Variants in PARD3 observed in about 807,000 individuals in gnomAD.
PARD3 encodes partitioning defective 3 homolog.
Under a neutral mutation model 155.4 loss-of-function variants are expected in PARD3, and 75 were observed. That is an observed-to-expected ratio of 0.48 (90% confidence interval 0.40 to 0.58). The LOEUF (loss-of-function observed/expected upper bound fraction) is 0.58. Ranked by LOEUF, PARD3 falls within the 20% of genes least tolerant of loss-of-function variation. The pLI is 0.00. For synonymous variants in PARD3, 576 were observed against 610.5 expected, an observed-to-expected ratio of 0.94 and a Z score of 0.83; for missense variants, 1,642 against 1,721.7, an observed-to-expected ratio of 0.95 and a Z score of 0.82.
intron 3 of PARD3, among the ~76,000 whole-genome samples, chr10:34,478,560 C>T (rs2078862784): frequency 6.6e-6 from 1 of 152,128 alleles, no homozygotes; most frequent in South Asian, 2.1e-4. Flanking sequence ...AATTTTCTTT[C>T]GAGACGGAGT....
intron 1 of PARD3, among the ~76,000 whole-genome samples, chr10:34,787,759 T>C (rs533575256): frequency 6.7e-6 from 1 of 150,200 alleles, no homozygotes; most frequent in East Asian, 2.0e-4. Flanking sequence ...ACACAGCAAA[T>C]GGGCAACCAA....
chr10:34,594,128 G>C (rs1590151586), intron 2 of PARD3, among the ~76,000 whole-genome samples: 1 of 152,074 alleles, frequency 6.6e-6, no homozygotes, highest in Non-Finnish European at 1.5e-5. Flanking sequence ...AGAAAGCAAG[G>C]GTTTATTACT....
At chr10:34,418,939 T>C (rs895427468) in intron 5 of PARD3, among the ~76,000 whole-genome samples, 2 of 151,754 alleles carry the variant, frequency 1.3e-5, no homozygotes, top group African/African-American at 4.9e-5. Flanking sequence ...ACAGGCTAAT[T>C]TTTGTATTTT....
chr10:34,708,515 T>C (rs1034748838), intron 1 of PARD3, among the ~76,000 whole-genome samples: 10 of 152,194 alleles, frequency 6.6e-5, no homozygotes, highest in Non-Finnish European at 1.0e-4. Flanking sequence ...AGAAGTGTTA[T>C]AATATCTGTA....
intron 1 of PARD3, among the ~76,000 whole-genome samples, chr10:34,784,568 T>C (rs1840701875): frequency 6.6e-6 from 1 of 152,010 alleles, no homozygotes; most frequent in Non-Finnish European, 1.5e-5. Flanking sequence ...GCCTCCCAAG[T>C]TGGGATTACA....
At chr10:34,284,664 C>T (rs1355896329) in intron 20 of PARD3, among the ~76,000 whole-genome samples, 2 of 152,094 alleles carry the variant, frequency 1.3e-5, no homozygotes, top group African/African-American at 4.8e-5. Flanking sequence ...ATAATCTTTC[C>T]ATAAACAACT....
At chr10:34,378,723 C>A (rs910910332) in intron 9 of PARD3, among the ~76,000 whole-genome samples, 1 of 152,168 alleles carries the variant, frequency 6.6e-6, no homozygotes, top group African/African-American at 2.4e-5. Context: ...TTCACCACCC[C>A]CCACTCCCAA....
intron 2 of PARD3, among the ~76,000 whole-genome samples, chr10:34,598,830 C>T (rs948393027): frequency 3.9e-5 from 6 of 152,152 alleles, no homozygotes; most frequent in African/African-American, 1.4e-4. Context: ...CACTCAGATT[C>T]GGCATATCTT....
At chr10:34,454,193 C>A (rs968386530) in intron 4 of PARD3, among the ~76,000 whole-genome samples, 6 of 152,036 alleles carry the variant, frequency 3.9e-5, no homozygotes, top group African/African-American at 1.2e-4. Flanking sequence ...TCCTCCCAGT[C>A]CTGAAGTCTG....
At chr10:34,594,587 G>A (rs2089066769) in intron 2 of PARD3, among the ~76,000 whole-genome samples, 1 of 152,070 alleles carries the variant, frequency 6.6e-6, no homozygotes, top group African/African-American at 2.4e-5. Context: ...AAGTCCTGAA[G>A]GTAGAGGAGG....
intron 2 of PARD3, among the ~76,000 whole-genome samples, chr10:34,597,873 A>G (rs1313460885): frequency 6.6e-6 from 1 of 152,130 alleles, no homozygotes; most frequent in African/African-American, 2.4e-5. Flanking sequence ...TAAGCCTTAA[A>G]TATCTGCTGT....
intron 22 of PARD3, among the ~76,000 whole-genome samples, chr10:34,236,520 C>A (rs1296020479): frequency 3.3e-5 from 5 of 152,128 alleles, no homozygotes; most frequent in Non-Finnish European, 7.4e-5. Flanking sequence ...TAAAAATATT[C>A]TTTTCCTTTT....
At chr10:34,145,219 ATATTTTTTTT>A (rs1421986528) in intron 22 of PARD3, among the ~76,000 whole-genome samples, 2 of 53,536 alleles carry the variant, frequency 3.7e-5, no homozygotes, top group African/African-American at 1.9e-4. Flanking sequence ...ATATATATAT[ATATTTTTTTT>A]TTTTTTTTTT....
chr10:34,430,862 A>G (rs1165844929), intron 5 of PARD3, among the ~76,000 whole-genome samples: 2 of 152,324 alleles, frequency 1.3e-5, no homozygotes, highest in Non-Finnish European at 2.9e-5. Context: ...GATTGTGGGC[A>G]TATTACACCA....
rs535904172 is a variant in PARD3 at position 34,332,627 on chromosome 10, T to G, written c.2606-1283A>C. On this transcript the variant is annotated intron_variant, in intron 18 of 24. Transcript: ENST00000374788. The stretch of plus-strand genomic sequence containing the variant: ...TCACTGATGTTAAATGAAGCTATTT[T>G]GGGTAAGAATAGATATGTTTAAAAT... Among the ~76,000 whole-genome samples, 102 of 152,300 alleles carry G rather than the reference T, an allele frequency of 6.7e-4. 3 individuals carry two copies. The South Asian group carries it at 0.021, about 31-fold the overall frequency.
chr10:34,306,033 C>G (rs1957391580), intron 20 of PARD3, among the ~76,000 whole-genome samples: 1 of 151,844 alleles, frequency 6.6e-6, no homozygotes, highest in Non-Finnish European at 1.5e-5. Context: ...GTAGCTCACG[C>G]CTGTAATCCC....
rs75217940 is a variant in PARD3, at chr10:34,249,096, T to A, written c.3419+20561A>T. Among the ~76,000 whole-genome samples, 578 of 152,292 alleles carry A rather than the reference T, an allele frequency of 3.8e-3. 7 individuals are homozygous for A. The highest frequency in any genetic ancestry group is 0.013 in the African/African-American group (554 of 41,558). On this transcript the variant is annotated intron_variant, in intron 22 of 24. Transcript: ENST00000374788. The stretch of plus-strand genomic sequence containing the variant: ...GACCAGCATTACGTTTCCTGGAAAG[T>A]ATCAATAAGTTAATAAAAGGTCTAG...
At chr10:34,673,227 A>ATTGAAG (rs2093640104) in intron 2 of PARD3, among the ~76,000 whole-genome samples, 1 of 152,200 alleles carries the variant, frequency 6.6e-6, no homozygotes, top group African/African-American at 2.4e-5. Flanking sequence ...CCAAATCAGG[A>ATTGAAG]ATCTCTCTAT....
At chr10:34,198,505 T>C (rs963954470) in intron 22 of PARD3, among the ~76,000 whole-genome samples, 1 of 151,576 alleles carries the variant, frequency 6.6e-6, no homozygotes, top group Non-Finnish European at 1.5e-5. Flanking sequence ...TGTGTGTCTG[T>C]GAAGAGATAA....
Sources: gnomAD v4.1 joint callset for allele counts (sites outside exome capture counted in the v4.1 genomes callset) on GRCh38, gnomAD v4.1.1 for gene constraint, MANE v1.5 for transcripts, NCBI Gene and HGNC (gene_info 2026-07-23, HGNC 2026-07-21) for gene names.